Variants in HK1 observed in about 807,000 individuals in gnomAD.
HK1 encodes hexokinase 1.
A neutral mutation model predicts 91.6 loss-of-function variants in HK1; 28 were observed. The observed-to-expected ratio is 0.31, with a 90% CI of 0.23 to 0.42. The LOEUF is 0.42. Ranked by LOEUF, HK1 falls within the 10% of genes least tolerant of loss-of-function variation. The pLI, the probability that HK1 is intolerant of heterozygous loss-of-function variation, is 1.00. For missense variants in HK1, 770 were observed against 1,219.8 expected, an observed-to-expected ratio of 0.63 and a Z score of 5.49; for synonymous variants, 430 against 468.1, an observed-to-expected ratio of 0.92 and a Z score of 1.05.
At chr10:69,310,592 TAAAG>T (rs1451691279) in intron 5 of HK1, among the ~76,000 whole-genome samples, 1 of 152,130 alleles carries the variant, frequency 6.6e-6, no homozygotes, top group Non-Finnish European at 1.5e-5. Flanking sequence ...GTGCTGTTGA[TAAAG>T]AGTCAGTCTG....
chr10:69,271,188 C>T (rs749110673), intron 1 of HK1: 9 of 152,230 alleles, frequency 5.9e-5, no homozygotes, highest in Middle Eastern at 6.8e-3. Flanking sequence ...CTGTTCCTGA[C>T]CATTTCCTGT....
upstream of HK1, among the ~76,000 whole-genome samples, chr10:69,313,729 A>G (rs1157011585): frequency 6.6e-6 from 1 of 152,182 alleles, no homozygotes; most frequent in Non-Finnish European, 1.5e-5. Context: ...ACTCCCGACC[A>G]GATGATCCGT....
intron 14 of HK1, 86 bp downstream of exon 14, chr10:69,389,382 C>A: frequency 3.4e-6 from 3 of 875,996 alleles, no homozygotes; most frequent in South Asian, 2.8e-5. Flanking sequence ...GCAGCTTGGT[C>A]CTCTGTATGG....
At chr10:69,389,967 G>A (rs913419606) in intron 14 of HK1, among the ~76,000 whole-genome samples, 6 of 152,288 alleles carry the variant, frequency 3.9e-5, no homozygotes, top group African/African-American at 7.2e-5. Context: ...TGCTCCTCGC[G>A]TCAGGGGATG....
chr10:69,329,425 T>C (rs1847579425), intron 1 of HK1, among the ~76,000 whole-genome samples: 1 of 152,156 alleles, frequency 6.6e-6, no homozygotes, highest in African/African-American at 2.4e-5. Flanking sequence ...CCTCCCAAAG[T>C]GCTGGGATTA....
At chr10:69,272,867 G>A (rs1287128175) in intron 1 of HK1, among the ~76,000 whole-genome samples, 2 of 150,292 alleles carry the variant, frequency 1.3e-5, no homozygotes, top group African/African-American at 4.9e-5. Context: ...GAAAATTCTT[G>A]TTTTATGACT....
chr10:69,300,853 C>A (rs200195909), exon 5 of HK1: 11 of 1,571,804 alleles, frequency 7.0e-6, no homozygotes, highest in Admixed American at 5.0e-5. Context: ...AAGAGCCCTG[C>A]ATGATTTTGT....
intron 17 of HK1, among the ~76,000 whole-genome samples, chr10:69,399,654 AT>A (rs1840298547): frequency 6.6e-6 from 1 of 152,156 alleles, no homozygotes; most frequent in Non-Finnish European, 1.5e-5. Flanking sequence ...CTGGTCAGGC[AT>A]CTGACCCCCC....
intron 15 of HK1, among the ~76,000 whole-genome samples, chr10:69,394,724 A>T (rs1840058335): frequency 6.6e-6 from 1 of 152,176 alleles, no homozygotes; most frequent in African/African-American, 2.4e-5. Context: ...TCTAGCAGGT[A>T]GACATGAATG....
At chr10:69,393,209 G>A (rs763058827) in intron 15 of HK1, among the ~76,000 whole-genome samples, 1 of 152,144 alleles carries the variant, frequency 6.6e-6, no homozygotes. Flanking sequence ...TTGAACTCCC[G>A]ACCTCAGGTG....
At position 69,319,392 on chromosome 10, in the gene HK1, G is replaced by A. The variant is rs868094595; in HGVS notation, c.63+382G>A. ...GAGGTGTGATCATGGAGATGCTGGG[G>A]AGGTGATCGAGCAGCAGGCGGGGGT... On this transcript the variant is annotated intron_variant, in intron 1 of 17. Coordinates refer to ENST00000359426, the MANE Select transcript of HK1 (RefSeq NM_000188.3). Among the ~76,000 whole-genome samples the A allele has an allele frequency of 7.2e-5, 11 of 152,372 alleles. No homozygotes were observed. In the Middle Eastern group the frequency reaches 0.014, roughly 188 times the overall value.
At chr10:69,381,348 G>A (rs550096783) in intron 9 of HK1, among the ~76,000 whole-genome samples, 6 of 152,092 alleles carry the variant, frequency 3.9e-5, no homozygotes, top group Non-Finnish European at 7.4e-5. Flanking sequence ...AGCCAAGGAC[G>A]TAATTGTATT....
intron 3 of HK1, among the ~76,000 whole-genome samples, chr10:69,289,051 G>A (rs1276061792): frequency 6.6e-6 from 1 of 152,162 alleles, no homozygotes; most frequent in Non-Finnish European, 1.5e-5. Context: ...CTCCCAAAGT[G>A]CTGGGATTAC....
chr10:69,389,430 C>T (rs1197146436), intron 14 of HK1, 134 bp downstream of exon 14: 1 of 691,036 alleles, frequency 1.4e-6, no homozygotes, highest in Non-Finnish European at 2.6e-6. Flanking sequence ...TTGACCAGCT[C>T]CAGAGTTCAG....
chr10:69,303,083 G>A (rs1205613765), intron 5 of HK1, among the ~76,000 whole-genome samples: 1 of 152,016 alleles, frequency 6.6e-6, no homozygotes, highest in Non-Finnish European at 1.5e-5. Context: ...GTGTGTATCA[G>A]TTAGTATTAG....
intron 4 of HK1, among the ~76,000 whole-genome samples, chr10:69,366,284 A>G (rs1038077461): frequency 3.9e-5 from 6 of 152,328 alleles, no homozygotes; most frequent in South Asian, 2.1e-4. Context: ...GGAAGATTCC[A>G]TGCTCGTAAC....
upstream of HK1, among the ~76,000 whole-genome samples, chr10:69,313,778 A>G (rs565100533): frequency 3.2e-4 from 48 of 152,320 alleles, no homozygotes; most frequent in Admixed American, 5.2e-4. Flanking sequence ...TACAGGCGTG[A>G]GGCACCGGCC....
At chr10:69,286,767 C>T (rs371390890) in intron 2 of HK1, among the ~76,000 whole-genome samples, 2 of 152,016 alleles carry the variant, frequency 1.3e-5, no homozygotes, top group Non-Finnish European at 2.9e-5. Context: ...AGGCTGGTCT[C>T]GAACTCCTGA....
intron 4 of HK1, chr10:69,295,819 T>C: frequency 2.9e-6 from 2 of 700,240 alleles, no homozygotes; most frequent in Admixed American, 2.1e-5. Context: ...GGAGCAGTAT[T>C]GACCTCCAAC....
Sources: gnomAD v4.1 joint callset for allele counts (sites outside exome capture counted in the v4.1 genomes callset) on GRCh38, gnomAD v4.1.1 for gene constraint, MANE v1.5 for transcripts, NCBI Gene and HGNC (gene_info 2026-07-23, HGNC 2026-07-21) for gene names.